The following SLC7A7 variants were observed in gnomAD, a reference collection of about 807,000 sequenced individuals.
SLC7A7 encodes Y+L amino acid transporter 1.
SLC7A7 carries 39 observed loss-of-function variants against 47.9 expected under a neutral mutation model. The observed-to-expected ratio is 0.81, with a 90% CI of 0.63 to 1.06. The LOEUF (loss-of-function observed/expected upper bound fraction) is 1.06, where lower values mean the gene tolerates loss of function less well. Ranked by LOEUF, SLC7A7 falls within the 50% of genes least tolerant of loss-of-function variation. The pLI is 0.00. For synonymous variants in SLC7A7, 234 were observed against 242.8 expected, an observed-to-expected ratio of 0.96 and a Z score of 0.34; for missense variants, 588 against 632.0, an observed-to-expected ratio of 0.93 and a Z score of 0.75.
intron 2 of SLC7A7, among the ~76,000 whole-genome samples, chr14:22,812,106 A>T (rs1370755395): frequency 6.6e-6 from 1 of 152,196 alleles, no homozygotes; most frequent in African/African-American, 2.4e-5. Context: ...CACACTGTAG[A>T]ATTACATGTA....
At position 22,774,512 on chromosome 14, in the gene SLC7A7, G is replaced by T. The variant is rs372902902; in HGVS notation, c.1096-9C>A. ...ATCAATGCCATGATACCCTGTAAGC[G>T]TGAGCCTAAGTCAGCTCTTCTCAGG... On this transcript the variant is annotated splice_polypyrimidine_tract_variant and intron_variant, in intron 7 of 9. Coordinates refer to ENST00000674313, the MANE Select transcript of SLC7A7 (RefSeq NM_003982.4). 6.2e-7 allele frequency: 1 copy of T among 1,614,114 alleles called. No homozygotes were observed. The highest frequency in any genetic ancestry group is 1.7e-5 in the Admixed American group (1 of 59,992).
chr14:22,785,726 CAAA>C (rs748719657), intron 2 of SLC7A7, among the ~76,000 whole-genome samples: 2 of 52,878 alleles, frequency 3.8e-5, no homozygotes, highest in Admixed American at 2.1e-4. Context: ...AACTCCATCT[CAAA>C]AAAAAAAAAA....
intron 4 of SLC7A7, among the ~76,000 whole-genome samples, chr14:22,778,585 T>C (rs939269250): frequency 1.3e-5 from 2 of 152,236 alleles, no homozygotes; most frequent in Non-Finnish European, 2.9e-5. Flanking sequence ...TTTAAAAATT[T>C]ACAAAGCATA....
At chr14:22,809,631 A>G (rs1303877840) in intron 2 of SLC7A7, among the ~76,000 whole-genome samples, 3 of 151,878 alleles carry the variant, frequency 2.0e-5, no homozygotes, top group Non-Finnish European at 4.4e-5. Context: ...GTGAGCCACC[A>G]TGCCCGGCCT....
At chr14:22,816,479 C>T (rs971337109), upstream of SLC7A7, 6 of 148,974 alleles carry the variant, frequency 4.0e-5, no homozygotes, top group African/African-American at 1.5e-4. Context: ...TGCACTCCAG[C>T]CTGGGCAACA....
At chr14:22,795,449 A>ATTCTTTTCTTTTCTTTTCTT in intron 2 of SLC7A7, among the ~76,000 whole-genome samples, 2 of 123,940 alleles carry the variant, frequency 1.6e-5, no homozygotes, top group African/African-American at 6.2e-5. Flanking sequence ...TTTCTTTTCT[A>ATTCTTTTCTTTTCTTTTCTT]TTCTTTTCTT....
At chr14:22,803,024 T>C (rs574809725) in intron 2 of SLC7A7, among the ~76,000 whole-genome samples, 16 of 152,318 alleles carry the variant, frequency 1.1e-4, no homozygotes, top group African/African-American at 3.8e-4. Flanking sequence ...CACTGTTCTA[T>C]GTGCTGGTGA....
At chr14:22,783,894 G>C (rs1249003152) in intron 2 of SLC7A7, among the ~76,000 whole-genome samples, 2 of 152,200 alleles carry the variant, frequency 1.3e-5, no homozygotes, top group African/African-American at 4.8e-5. Context: ...GGGAGCAGAG[G>C]GAACTGCCTG....
chr14:22,780,223 T>G (rs1446937431), intron 2 of SLC7A7, 172 bp from the exon 3 acceptor site: 1 of 715,026 alleles, frequency 1.4e-6, no homozygotes, highest in South Asian at 1.7e-5. Context: ...GTCCTCACCA[T>G]TATCATACAA....
chr14:22,794,750 C>T (rs1487690237), intron 2 of SLC7A7, among the ~76,000 whole-genome samples: 1 of 152,152 alleles, frequency 6.6e-6, no homozygotes, highest in African/African-American at 2.4e-5. Context: ...GCTCCTCTAT[C>T]CTGGCTGCAA....
Position 22,799,197 on chromosome 14 carries a change from T to G in SLC7A7, c.499+13703A>C, listed in dbSNP as rs185910203. 5.3e-4 allele frequency among the ~76,000 whole-genome samples: 80 copies of G among 152,314 alleles called. 1 individual carries two copies. Among genetic ancestry groups the G allele is most frequent in the African/African-American group, 1.8e-3 (75 of 41,576 alleles). Reference sequence around the variant, plus strand: ...CAACTATACTCAATCTTTACCTAGCTTGACCTCTTAGCAGATTGGACACAG... The same window carrying G: ...CAACTATACTCAATCTTTACCTAGCGTGACCTCTTAGCAGATTGGACACAG... On this transcript the variant is annotated intron_variant, in intron 2 of 9. Coordinates refer to ENST00000674313, the MANE Select transcript of SLC7A7 (RefSeq NM_003982.4).
At chr14:22,792,674 T>C (rs1000983709) in intron 2 of SLC7A7, among the ~76,000 whole-genome samples, 5 of 151,938 alleles carry the variant, frequency 3.3e-5, no homozygotes, top group Admixed American at 1.3e-4. Context: ...CTGACCAACA[T>C]GGCAAAACCC....
intron 2 of SLC7A7, among the ~76,000 whole-genome samples, chr14:22,801,101 GACT>G (rs1452536703): frequency 1.3e-5 from 2 of 152,074 alleles, no homozygotes; most frequent in East Asian, 3.9e-4. Context: ...TAAAAAAAAT[GACT>G]ACTGTTTTAA....
intron 2 of SLC7A7, among the ~76,000 whole-genome samples, chr14:22,808,731 C>T (rs762658837): frequency 4.6e-5 from 7 of 152,166 alleles, no homozygotes; most frequent in Admixed American, 6.6e-5. Context: ...TCTTGGTTGC[C>T]CTTCTGAACC....
intron 9 of SLC7A7, 22 bp from the exon 10 acceptor site, chr14:22,773,738 G>A (rs1468092168): frequency 6.2e-7 from 1 of 1,611,186 alleles, no homozygotes; most frequent in Non-Finnish European, 8.5e-7. Flanking sequence ...ACTTTGAGTT[G>A]GAATTGAGAA....
chr14:22,796,205 AGCATC>A (rs2039019364), intron 2 of SLC7A7, among the ~76,000 whole-genome samples: 1 of 152,196 alleles, frequency 6.6e-6, no homozygotes, highest in Non-Finnish European at 1.5e-5. Context: ...TGGGGGGCCC[AGCATC>A]TGACTGTTCC....
rs529710772 is a variant in SLC7A7, at chr14:22,803,372, C to T, written c.499+9528G>A. Among the ~76,000 whole-genome samples the T allele has an allele frequency of 3.3e-5, 5 of 152,116 alleles. No homozygotes were observed. In the East Asian group the frequency reaches 7.7e-4, roughly 23 times the overall value. On this transcript the variant is annotated intron_variant, in intron 2 of 9. Coordinates refer to ENST00000674313, the MANE Select transcript of SLC7A7 (RefSeq NM_003982.4). ...GGCGGAGGTTGCAGTGAGCTGAGATCGTGCCATTGCACTCCAGCCTGGGCA... is the reference window on the plus strand; with the variant it reads ...GGCGGAGGTTGCAGTGAGCTGAGATTGTGCCATTGCACTCCAGCCTGGGCA...
intron 1 of SLC7A7, among the ~76,000 whole-genome samples, chr14:22,813,681 A>G (rs960336014): frequency 3.1e-5 from 4 of 127,486 alleles, no homozygotes; most frequent in African/African-American, 1.1e-4. Context: ...GCAGTGGTGC[A>G]ATCTCGGCTC....
Position 22,812,992 on chromosome 14 carries a change from G to A in SLC7A7, c.407C>T (p.Ala136Val). ...TACCATGTAGTTGGCAAAGGTGATG[G>A]CAATGATGGCCTGGCTGGTGGGCTC... ...IIEPTSQAIIAITFANYMVQP... is the reference protein window; with the variant it reads ...IIEPTSQAIIVITFANYMVQP... Residue 136 changes from alanine (A) to valine (V), a missense_variant, in exon 2 of 10, where the codon GCC becomes GTC. Physicochemically the swap from Ala to Val is moderately conservative, Grantham distance 64. Coordinates refer to ENST00000674313, the MANE Select transcript of SLC7A7 (RefSeq NM_003982.4). 1 of 1,614,028 alleles carries A rather than the reference G, an allele frequency of 6.2e-7. No homozygotes were observed. The highest frequency in any genetic ancestry group is 2.2e-5 in the East Asian group (1 of 44,882).
Sources: gnomAD v4.1 joint callset for allele counts (sites outside exome capture counted in the v4.1 genomes callset) on GRCh38, gnomAD v4.1.1 for gene constraint, MANE v1.5 for transcripts, NCBI Gene and HGNC (gene_info 2026-07-23, HGNC 2026-07-21) for gene names.